IARS2: variants seen among roughly 807,000 people sequenced by gnomAD.
The protein encoded by IARS2 is isoleucine--tRNA ligase, mitochondrial.
A neutral mutation model predicts 126.3 loss-of-function variants in IARS2; 56 were observed. The ratio of observed to expected loss-of-function variants is 0.44; its 90% CI spans 0.36 to 0.55. The LOEUF (loss-of-function observed/expected upper bound fraction) is 0.55, where lower values mean the gene tolerates loss of function less well. Ranked by LOEUF, IARS2 falls within the 20% of genes least tolerant of loss-of-function variation. The pLI is 0.00. For missense variants in IARS2, 1,127 were observed against 1,245.9 expected, an observed-to-expected ratio of 0.90 and a Z score of 1.44; for synonymous variants, 407 against 441.1, an observed-to-expected ratio of 0.92 and a Z score of 0.97.
At chr1:220,145,146 A>G (rs1224951154) in intron 21 of IARS2, among the ~76,000 whole-genome samples, 2 of 151,196 alleles carry the variant, frequency 1.3e-5, no homozygotes, top group Non-Finnish European at 2.9e-5. Context: ...TCCACCACGT[A>G]TGGGTTGAGA....
chr1:220,094,952 T>G lies in IARS2; in HGVS notation c.267+469T>G, dbSNP rs539082123. ...AAGAGTTCGAGACCATATTGGCTAG[T>G]CACCCCCACCCCCCCGTCCTTAAAA... On this transcript the variant is annotated intron_variant, in intron 1 of 22. Transcript: ENST00000366922. 5.3e-4 allele frequency among the ~76,000 whole-genome samples: 80 copies of G among 151,720 alleles called. No homozygotes were observed. In the South Asian group the frequency reaches 0.016, roughly 30 times the overall value.
chr1:220,110,849 C>T lies in IARS2; in HGVS notation c.1391C>T (p.Pro464Leu), dbSNP rs1462178478. The T allele has an allele frequency of 6.8e-6, 11 of 1,612,908 alleles. No individual in the cohort carries two copies. Among genetic ancestry groups the T allele is most frequent in the South Asian group, 5.5e-5 (5 of 91,056 alleles). The change falls in exon 11 of 23, where the codon CCG becomes CTG. Residue 464 changes from proline (P) to leucine (L), a missense_variant. Transcript: ENST00000366922. The stretch of plus-strand genomic sequence containing the variant: ...GAGGAGAAATTGGTGCATAGCTATC[C>T]GTATGACTGGAGGACCAAGAAACCT... Reference protein sequence around the residue: ...LKEEKLVHSYPYDWRTKKPVV... With the variant: ...LKEEKLVHSYLYDWRTKKPVV...
At chr1:220,104,611 C>T (rs981880650) in intron 8 of IARS2, among the ~76,000 whole-genome samples, 2 of 152,162 alleles carry the variant, frequency 1.3e-5, no homozygotes, top group South Asian at 4.1e-4. Flanking sequence ...TCTTGAACTC[C>T]TGGCCTCAAG....
At chr1:220,095,686 A>T (rs552514720) in intron 1 of IARS2, among the ~76,000 whole-genome samples, 7 of 152,210 alleles carry the variant, frequency 4.6e-5, no homozygotes, top group African/African-American at 4.8e-5. Flanking sequence ...ACTGCCATGC[A>T]TGTTGTTCCC....
chr1:220,124,593 G>A (rs1227779566), intron 12 of IARS2, among the ~76,000 whole-genome samples: 1 of 152,174 alleles, frequency 6.6e-6, no homozygotes, highest in African/African-American at 2.4e-5. Context: ...AGAAGTTTTA[G>A]TACTTGTGCA....
At chr1:220,113,874 T>C (rs1656861825) in intron 11 of IARS2, among the ~76,000 whole-genome samples, 1 of 152,178 alleles carries the variant, frequency 6.6e-6, no homozygotes, top group Admixed American at 6.6e-5. Flanking sequence ...ATCGCAATCT[T>C]TTTTTGGCAG....
chr1:220,122,622 C>A (rs1376312942), intron 12 of IARS2, among the ~76,000 whole-genome samples: 1 of 152,192 alleles, frequency 6.6e-6, no homozygotes, highest in Non-Finnish European at 1.5e-5. Flanking sequence ...CAGAACAAAT[C>A]ATTTCTCAAG....
rs1657409775 is a variant in IARS2, at chr1:220,137,827, A to T, written c.2050-91A>T. On this transcript the variant is annotated intron_variant, in intron 16 of 22. Transcript: ENST00000366922. ...AGTTTGTACTTACATTGTGCTCAAA[A>T]ATATCTGAATAGGAGCTTTACCTAA... The T allele has an allele frequency of 3.5e-6, 5 of 1,434,122 alleles. No homozygotes were observed. The East Asian group carries it at 1.1e-4, about 33-fold the overall frequency. 88.8% of individuals were successfully genotyped at this position (1,434,122 alleles called of 1,614,324 possible). A position where few individuals can be genotyped will look rare whatever the true frequency, so the allele number is the denominator to read the frequency against.
At chr1:220,111,372 A>G (rs1358982721) in intron 11 of IARS2, among the ~76,000 whole-genome samples, 2 of 152,076 alleles carry the variant, frequency 1.3e-5, no homozygotes, top group African/African-American at 2.4e-5. Flanking sequence ...ACTTTTTTAA[A>G]CCCTTTGCTT....
intron 12 of IARS2, among the ~76,000 whole-genome samples, chr1:220,117,474 A>G (rs1656949501): frequency 6.6e-6 from 1 of 152,026 alleles, no homozygotes; most frequent in Non-Finnish European, 1.5e-5. Flanking sequence ...TGCTGGGATT[A>G]CAGGCGTGAG....
rs745601033 is a variant in IARS2 at position 220,107,079 on chromosome 1, G to C, written c.1255G>C (p.Asp419His). Reference protein sequence around the residue: ...NLPMDCLVDEDGVFTDVAGPE... With the variant: ...NLPMDCLVDEHGVFTDVAGPE... ...TTTATAGGATTGTCTAGTGGACGAAGATGGAGTTTTCACAGATGTTGCAGG... is the reference window on the plus strand; with the variant it reads ...TTTATAGGATTGTCTAGTGGACGAACATGGAGTTTTCACAGATGTTGCAGG... Residue 419 changes from aspartate to histidine, a missense_variant, in exon 10 of 23, where the codon GAT becomes CAT. By Grantham distance (81) the Asp-to-His change is moderately conservative. Transcript: ENST00000366922. 4.3e-6 allele frequency: 7 copies of C among 1,611,814 alleles called. No homozygotes were observed. Among genetic ancestry groups the C allele is most frequent in the Middle Eastern group, 1.6e-4 (1 of 6,062 alleles).
chr1:220,134,805 T>G (rs1657340264), intron 15 of IARS2: 1 of 175,810 alleles, frequency 5.7e-6, no homozygotes. Flanking sequence ...TCGCATTCAG[T>G]CACCCAGGCT....
chr1:220,105,818 C>T (rs2102820232), intron 8 of IARS2, 73 bp from the exon 9 acceptor site: 2 of 1,275,094 alleles, frequency 1.6e-6, no homozygotes, highest in East Asian at 2.3e-5. Context: ...TAACCTGATA[C>T]TCTATTGCTA....
intron 20 of IARS2, among the ~76,000 whole-genome samples, chr1:220,142,542 A>G (rs1657511498): frequency 6.6e-6 from 1 of 152,228 alleles, no homozygotes; most frequent in African/African-American, 2.4e-5. Context: ...TTAAAACAAA[A>G]TATAGTGCTT....
At chr1:220,101,475 C>T (rs779663512) in intron 3 of IARS2, among the ~76,000 whole-genome samples, 3 of 151,776 alleles carry the variant, frequency 2.0e-5, no homozygotes, top group South Asian at 2.1e-4. Flanking sequence ...GGAGGTGGAT[C>T]GATCACCTAA....
At chr1:220,131,950 A>C (rs1348922360) in intron 14 of IARS2, among the ~76,000 whole-genome samples, 1 of 150,124 alleles carries the variant, frequency 6.7e-6, no homozygotes, top group East Asian at 2.0e-4. Context: ...GGCATCCACC[A>C]CCATGCCTGG....
intron 1 of IARS2, among the ~76,000 whole-genome samples, chr1:220,095,357 A>T (rs1219415445): frequency 6.6e-6 from 1 of 152,212 alleles, no homozygotes; most frequent in Admixed American, 6.5e-5. Flanking sequence ...ACTTTCTAAG[A>T]GCAGAGATTC....
intron 8 of IARS2, among the ~76,000 whole-genome samples, chr1:220,104,435 G>A (rs1267458713): frequency 6.6e-6 from 1 of 152,006 alleles, no homozygotes; most frequent in African/African-American, 2.4e-5. Flanking sequence ...CCAGGCTGGA[G>A]TGCAGTGGTG....
At chr1:220,116,301 G>A (rs1656912604) in intron 12 of IARS2, among the ~76,000 whole-genome samples, 1 of 152,096 alleles carries the variant, frequency 6.6e-6, no homozygotes, top group South Asian at 2.1e-4. Flanking sequence ...AGACTGACAT[G>A]GCCCCTGTTT....
Sources: allele counts gnomAD v4.1 joint callset (sites outside exome capture counted in the v4.1 genomes callset), GRCh38; gene constraint gnomAD v4.1.1; transcripts MANE v1.5; gene names NCBI Gene and HGNC (gene_info 2026-07-23, HGNC 2026-07-21).